PHACTR1: variants seen among roughly 807,000 people sequenced by gnomAD.
PHACTR1 encodes the protein phosphatase and actin regulator 1, also known as RPEL repeat containing 1.
A neutral mutation model predicts 69.2 loss-of-function variants in PHACTR1; 16 were observed. That is an observed-to-expected ratio of 0.23 (90% CI 0.16 to 0.35). The LOEUF (loss-of-function observed/expected upper bound fraction) is 0.35. Ranked by LOEUF, PHACTR1 falls within the 10% of genes least tolerant of loss-of-function variation. The probability of loss-of-function intolerance (pLI) is 1.00; values close to 1 mark genes in which losing one functional copy is unlikely to be tolerated. For synonymous variants in PHACTR1, 312 were observed against 284.5 expected, an observed-to-expected ratio of 1.10 and a Z score of -0.97; for missense variants, 510 against 734.7, an observed-to-expected ratio of 0.69 and a Z score of 3.54.
chr6:12,933,892 A>T, intron 4 of PHACTR1: 1 of 1,612,366 alleles, frequency 6.2e-7, no homozygotes, highest in Non-Finnish European at 8.5e-7. Flanking sequence ...AGTTTGGCTG[A>T]GAGGACATTT....
intron 4 of PHACTR1, among the ~76,000 whole-genome samples, chr6:12,883,951 TAC>T (rs539500735): frequency 6.6e-6 from 1 of 152,014 alleles, no homozygotes; most frequent in South Asian, 2.1e-4. Context: ...CACATACATA[TAC>T]ACACAGTCAC....
At position 12,873,151 on chromosome 6, in the gene PHACTR1, A is replaced by G. The variant is rs1186406844; in HGVS notation, c.250+123361A>G. 2.0e-5 allele frequency among the ~76,000 whole-genome samples: 3 copies of G among 152,010 alleles called. No individual in the cohort carries two copies. In the East Asian group the frequency reaches 5.8e-4, roughly 29 times the overall value. On this transcript the variant is annotated intron_variant, in intron 4 of 14. Coordinates refer to ENST00000332995, the MANE Select transcript of PHACTR1 (RefSeq NM_030948.6). Reference sequence around the variant, plus strand: ...CTCAGCATCCTGAGTAGCTGGGACTATAGGTGCACACCACCACACCCAGCT... The same window carrying G: ...CTCAGCATCCTGAGTAGCTGGGACTGTAGGTGCACACCACCACACCCAGCT...
At chr6:12,825,664 T>G (rs1055190476) in intron 4 of PHACTR1, among the ~76,000 whole-genome samples, 4 of 152,176 alleles carry the variant, frequency 2.6e-5, no homozygotes, top group African/African-American at 7.2e-5. Context: ...CTTTTTCCTT[T>G]CCCAGTCATT....
intron 4 of PHACTR1, among the ~76,000 whole-genome samples, chr6:12,921,934 A>G (rs1317685705): frequency 6.6e-6 from 1 of 152,020 alleles, no homozygotes; most frequent in East Asian, 1.9e-4. Flanking sequence ...GGCCTTGTGA[A>G]AAGGGCCCTT....
At chr6:12,954,824 A>G (rs1791685235) in intron 4 of PHACTR1, among the ~76,000 whole-genome samples, 1 of 152,208 alleles carries the variant, frequency 6.6e-6, no homozygotes, top group Non-Finnish European at 1.5e-5. Context: ...TTTTTCTAAA[A>G]TGTGCAAGTA....
intron 4 of PHACTR1, among the ~76,000 whole-genome samples, chr6:12,768,154 GC>G (rs1768891928): frequency 9.7e-6 from 1 of 103,620 alleles, no homozygotes; most frequent in Non-Finnish European, 1.8e-5. Flanking sequence ...TTGCTCCATT[GC>G]CCAGGCTGGA....
At chr6:12,814,752 G>T (rs775234358) in intron 4 of PHACTR1, among the ~76,000 whole-genome samples, 2 of 152,170 alleles carry the variant, frequency 1.3e-5, no homozygotes, top group Non-Finnish European at 2.9e-5. Flanking sequence ...CACTTGAAGG[G>T]TATCCCTTGA....
chr6:12,967,869 G>A, intron 4 of PHACTR1, among the ~76,000 whole-genome samples: 1 of 152,186 alleles, frequency 6.6e-6, no homozygotes, highest in Non-Finnish European at 1.5e-5. Context: ...GCAAGGACTA[G>A]TTTTGTCCAA....
chr6:13,221,050 A>T (rs1396692901), intron 8 of PHACTR1, among the ~76,000 whole-genome samples: 2 of 152,206 alleles, frequency 1.3e-5, no homozygotes, highest in Admixed American at 6.5e-5. Context: ...TTTCCATTGG[A>T]AAAATCAGAA....
chr6:12,828,920 G>C (rs533327413), intron 4 of PHACTR1, among the ~76,000 whole-genome samples: 5 of 152,206 alleles, frequency 3.3e-5, no homozygotes, highest in Admixed American at 1.3e-4. Context: ...AGTGAATATA[G>C]CAAACAATTT....
intron 4 of PHACTR1, among the ~76,000 whole-genome samples, chr6:12,845,063 T>C (rs1397758044): frequency 2.6e-5 from 4 of 152,242 alleles, no homozygotes; most frequent in African/African-American, 9.6e-5. Flanking sequence ...CATAATGGTA[T>C]ACATGTAATA....
chr6:12,961,393 A>G (rs908842850), intron 4 of PHACTR1, among the ~76,000 whole-genome samples: 10 of 152,202 alleles, frequency 6.6e-5, no homozygotes, highest in Middle Eastern at 3.2e-3. Flanking sequence ...GGAAAGCGGT[A>G]TTGAAAGACT....
intron 4 of PHACTR1, among the ~76,000 whole-genome samples, chr6:12,817,834 T>C (rs2127706124): frequency 6.6e-6 from 1 of 151,872 alleles, no homozygotes; most frequent in South Asian, 2.1e-4. Context: ...ATTTTTTTTT[T>C]TTTTTTTGAG....
At chr6:13,024,990 A>G (rs1801483522) in intron 4 of PHACTR1, among the ~76,000 whole-genome samples, 1 of 152,176 alleles carries the variant, frequency 6.6e-6, no homozygotes, top group South Asian at 2.1e-4. Context: ...AAAGAAGGAG[A>G]ACTTATACAA....
intron 7 of PHACTR1, among the ~76,000 whole-genome samples, chr6:13,192,185 T>C (rs1358911402): frequency 1.3e-5 from 2 of 152,198 alleles, no homozygotes; most frequent in East Asian, 3.9e-4. Context: ...AAATGTTTAA[T>C]AGGAGGAGAT....
At chr6:12,766,642 A>G (rs1417522470) in intron 4 of PHACTR1, among the ~76,000 whole-genome samples, 1 of 152,242 alleles carries the variant, frequency 6.6e-6, no homozygotes, top group Non-Finnish European at 1.5e-5. Context: ...AGGGTTGGTT[A>G]TTAAACATTT....
intron 5 of PHACTR1, among the ~76,000 whole-genome samples, chr6:13,118,666 A>G (rs2127936343): frequency 6.6e-6 from 1 of 151,916 alleles, no homozygotes; most frequent in South Asian, 2.1e-4. Context: ...TTTAGTAGAG[A>G]CAGGATTTCA....
intron 4 of PHACTR1, among the ~76,000 whole-genome samples, chr6:12,896,868 G>A (rs2127476028): frequency 6.6e-6 from 1 of 152,226 alleles, no homozygotes; most frequent in South Asian, 2.1e-4. Context: ...TAGAGAACTG[G>A]AAAGGTCAGT....
Position 13,189,783 on chromosome 6 carries a change from C to T in PHACTR1, c.664+7097C>T, listed in dbSNP as rs375445701. Reference sequence around the variant, plus strand: ...TCTGCTTAAGAAGTTTGAAAATCGGCCCCTTTGTTTTTAAAAGTTGTGTTA... The same window carrying T: ...TCTGCTTAAGAAGTTTGAAAATCGGTCCCTTTGTTTTTAAAAGTTGTGTTA... On this transcript the variant is annotated intron_variant, in intron 7 of 14. Coordinates refer to ENST00000332995, the MANE Select transcript of PHACTR1 (RefSeq NM_030948.6). 2.0e-4 allele frequency among the ~76,000 whole-genome samples: 30 copies of T among 152,234 alleles called. No individual in the cohort carries two copies. In the East Asian group the frequency reaches 5.2e-3, roughly 26 times the overall value.
Sources: allele counts gnomAD v4.1 joint callset (sites outside exome capture counted in the v4.1 genomes callset), GRCh38; gene constraint gnomAD v4.1.1; transcripts MANE v1.5; gene names NCBI Gene and HGNC (gene_info 2026-07-23, HGNC 2026-07-21).